PBX3: variants seen among roughly 807,000 people sequenced by gnomAD.
The protein encoded by PBX3 is pre-B-cell leukemia transcription factor 3.
A neutral mutation model predicts 48.5 loss-of-function variants in PBX3; 14 were observed. The observed-to-expected ratio is 0.29, with a 90% confidence interval of 0.19 to 0.45. The LOEUF is 0.45. PBX3 is among the 20% of genes least tolerant of loss of function. The probability of loss-of-function intolerance (pLI) is 1.00; values close to 1 mark genes in which losing one functional copy is unlikely to be tolerated. For synonymous variants in PBX3, 210 were observed against 200.3 expected (o/e 1.05, Z -0.41); for missense variants, 386 against 546.7 (o/e 0.71, Z 2.93).
chr9:125,782,827 G>A (rs2132040538), intron 2 of PBX3, among the ~76,000 whole-genome samples: 1 of 152,214 alleles, frequency 6.6e-6, no homozygotes, highest in Middle Eastern at 3.4e-3. Flanking sequence ...ACCAGATAGA[G>A]AATTCTTAGT....
At chr9:125,943,613 G>C (rs1842008963) in intron 5 of PBX3, among the ~76,000 whole-genome samples, 1 of 152,044 alleles carries the variant, frequency 6.6e-6, no homozygotes, top group South Asian at 2.1e-4. Flanking sequence ...TTGCTTCCAT[G>C]AGGCGTTTGA....
intron 2 of PBX3, among the ~76,000 whole-genome samples, chr9:125,791,025 C>G (rs1006881457): frequency 1.1e-4 from 16 of 151,964 alleles, no homozygotes; most frequent in African/African-American, 2.7e-4. Context: ...GCAGTTCTCC[C>G]TGCCTCAGCC....
intron 3 of PBX3, among the ~76,000 whole-genome samples, chr9:125,921,902 G>T (rs1841465549): frequency 6.6e-6 from 1 of 152,100 alleles, no homozygotes; most frequent in African/African-American, 2.4e-5. Flanking sequence ...TCTGTTTACA[G>T]TTAGCTTTTC....
intron 2 of PBX3, among the ~76,000 whole-genome samples, chr9:125,857,445 C>G (rs1266822437): frequency 6.6e-6 from 1 of 152,082 alleles, no homozygotes. Context: ...AGTCCCTTCT[C>G]TCCCCATTCT....
chr9:125,766,688 GTTC>G (rs1332748405), intron 2 of PBX3, among the ~76,000 whole-genome samples: 2 of 152,016 alleles, frequency 1.3e-5, no homozygotes, highest in Non-Finnish European at 2.9e-5. Flanking sequence ...TCTCAAATAA[GTTC>G]TTCTGTCTTA....
chr9:125,883,600 C>CTT (rs57927097), intron 2 of PBX3, among the ~76,000 whole-genome samples: 5 of 144,784 alleles, frequency 3.5e-5, no homozygotes, highest in Non-Finnish European at 3.1e-5. Context: ...AATCTCTTGA[C>CTT]TTTTTTTTTT....
chr9:125,780,728 C>G (rs1443411688), intron 2 of PBX3, among the ~76,000 whole-genome samples: 2 of 13,466 alleles, frequency 1.5e-4, no homozygotes, highest in South Asian at 2.3e-3. Flanking sequence ...GGGGGGCTGA[C>G]CCCCCCCACC....
At chr9:125,875,491 A>C (rs551205312) in intron 2 of PBX3, among the ~76,000 whole-genome samples, 3 of 152,278 alleles carry the variant, frequency 2.0e-5, no homozygotes, top group East Asian at 3.9e-4. Context: ...TTGAAGGCTC[A>C]TTAAGGCTAA....
At chr9:125,889,976 A>C (rs367998936) in intron 2 of PBX3, among the ~76,000 whole-genome samples, 3 of 151,632 alleles carry the variant, frequency 2.0e-5, no homozygotes, top group Non-Finnish European at 4.4e-5. Flanking sequence ...GTAGCAGCTG[A>C]CCTTAGCCGG....
intron 2 of PBX3, among the ~76,000 whole-genome samples, chr9:125,845,183 G>C (rs183569646): frequency 8.9e-4 from 136 of 152,060 alleles, no homozygotes; most frequent in South Asian, 4.2e-3. Flanking sequence ...TCCCTAACCG[G>C]TATACTTTTC....
intron 2 of PBX3, among the ~76,000 whole-genome samples, chr9:125,830,162 A>G (rs1289688094): frequency 1.3e-5 from 2 of 152,242 alleles, no homozygotes; most frequent in Non-Finnish European, 2.9e-5. Flanking sequence ...TATCTAAAGC[A>G]TACGTAATAT....
chr9:125,778,453 T>C (rs1310722436), intron 2 of PBX3, among the ~76,000 whole-genome samples: 1 of 151,714 alleles, frequency 6.6e-6, no homozygotes, highest in East Asian at 1.9e-4. Flanking sequence ...GAGACAGAGT[T>C]TCACCATCTT....
rs371536106 is a variant in PBX3 at position 125,771,069 on chromosome 9, G to A, written c.274+22446G>A. ...CTGGGTCAGGCTTGGGAAGATATAT[G>A]TGTTGGTGATGATATACTTGTCTTT... is the stretch of plus-strand genomic sequence containing the variant. On this transcript the variant is annotated intron_variant, in intron 2 of 8. Coordinates refer to ENST00000373489, the MANE Select transcript of PBX3 (RefSeq NM_006195.6). Among the ~76,000 whole-genome samples the A allele has an allele frequency of 1.2e-4, 19 of 152,328 alleles. No homozygotes were observed. In the East Asian group the frequency reaches 3.3e-3, roughly 26 times the overall value.
At chr9:125,780,307 G>T (rs542496045) in intron 2 of PBX3, among the ~76,000 whole-genome samples, 3,047 of 137,008 alleles carry the variant, frequency 0.022, 11 homozygotes, top group South Asian at 0.034. Context: ...CTTCCCAGTA[G>T]GGGCGGCTGG....
chr9:125,800,727 ACTAAT>A (rs1306748780), intron 2 of PBX3, among the ~76,000 whole-genome samples: 1 of 150,734 alleles, frequency 6.6e-6, no homozygotes, highest in Non-Finnish European at 1.5e-5. Flanking sequence ...TAGGAGGAAC[ACTAAT>A]CTGAGCGCTT....
intron 2 of PBX3, among the ~76,000 whole-genome samples, chr9:125,780,459 G>C (rs551464302): frequency 7.9e-6 from 1 of 126,030 alleles, no homozygotes; most frequent in Non-Finnish European, 1.7e-5. Context: ...CTGGCCGGGC[G>C]GGGGGCTGAC....
At chr9:125,776,638 T>C (rs10986901) in intron 2 of PBX3, among the ~76,000 whole-genome samples, 3,061 of 152,198 alleles carry the variant, frequency 0.02, 172 homozygotes, top group East Asian at 0.17. Flanking sequence ...CGGGCTCAAG[T>C]GGTTCTCCCA....
At chr9:125,813,748 G>T (rs28411794) in intron 2 of PBX3, among the ~76,000 whole-genome samples, 10,627 of 151,926 alleles carry the variant, frequency 0.07, 1,162 homozygotes, top group African/African-American at 0.24. Flanking sequence ...AAGTATACTT[G>T]GTTCCTTTTA....
intron 2 of PBX3, among the ~76,000 whole-genome samples, chr9:125,756,057 G>C (rs916899045): frequency 2.0e-5 from 3 of 151,948 alleles, no homozygotes; most frequent in Non-Finnish European, 2.9e-5. Context: ...TTCTTCACTA[G>C]GGAAGGAAGG....
Sources: allele counts gnomAD v4.1 joint callset (sites outside exome capture counted in the v4.1 genomes callset), GRCh38; gene constraint gnomAD v4.1.1; transcripts MANE v1.5; gene names NCBI Gene and HGNC (gene_info 2026-07-23, HGNC 2026-07-21).